The following CCDC150 variants were observed in gnomAD, a reference collection of about 807,000 sequenced individuals.
The protein encoded by CCDC150 is coiled-coil domain-containing protein 150.
In CCDC150, 151 loss-of-function variants were observed where a neutral mutation model predicts 156.5. That is an observed-to-expected ratio of 0.97 (90% confidence interval 0.85 to 1.10). CCDC150 has a LOEUF of 1.10. Ranked by LOEUF, CCDC150 falls within the 50% of genes least tolerant of loss-of-function variation. The probability of loss-of-function intolerance (pLI) is 0.00; values close to 1 mark genes in which losing one functional copy is unlikely to be tolerated. For missense variants in CCDC150, 1,312 were observed against 1,268.1 expected (o/e 1.03, Z -0.53); for synonymous variants, 452 against 429.4 (o/e 1.05, Z -0.65).
intron 6 of CCDC150, among the ~76,000 whole-genome samples, chr2:196,666,226 T>C (rs1450145726): frequency 6.6e-6 from 1 of 152,250 alleles, no homozygotes; most frequent in Non-Finnish European, 1.5e-5. Flanking sequence ...ACAAATAATT[T>C]AGAATACTTT....
chr2:196,722,181 A>C (rs1019530225), intron 21 of CCDC150, among the ~76,000 whole-genome samples: 2 of 152,248 alleles, frequency 1.3e-5, no homozygotes, highest in African/African-American at 4.8e-5. Flanking sequence ...GTTTTGCCTT[A>C]AATTATACCT....
intron 5 of CCDC150, among the ~76,000 whole-genome samples, chr2:196,659,139 T>C (rs577214882): frequency 6.6e-6 from 1 of 152,322 alleles, no homozygotes; most frequent in African/African-American, 2.4e-5. Flanking sequence ...CCGTACACCA[T>C]AGTTAAGTGG....
At chr2:196,653,752 T>A (rs1195576436) in intron 2 of CCDC150, among the ~76,000 whole-genome samples, 1 of 152,244 alleles carries the variant, frequency 6.6e-6, no homozygotes, top group East Asian at 1.9e-4. Context: ...ACATTTTCAA[T>A]TACCTTTTTA....
chr2:196,710,888 G>A (rs915589354), intron 15 of CCDC150, among the ~76,000 whole-genome samples: 3 of 152,004 alleles, frequency 2.0e-5, no homozygotes, highest in African/African-American at 7.2e-5. Context: ...AAGTTCAGTG[G>A]TGGATAGATG....
In CCDC150 at chr2:196,730,963, A is replaced by G; in HGVS notation, c.3069+18A>G. Reference sequence around the variant, plus strand: ...CAGAACAGGTGAGCCAGACCCACGGACATAAAGACTTAGACGTTTCCTTCA... The same window carrying G: ...CAGAACAGGTGAGCCAGACCCACGGGCATAAAGACTTAGACGTTTCCTTCA... On this transcript the variant is annotated intron_variant, in intron 26 of 27. Coordinates refer to ENST00000389175, the MANE Select transcript of CCDC150 (RefSeq NM_001080539.2). 6.4e-7 allele frequency: 1 copy of G among 1,573,964 alleles called. No individual in the cohort carries two copies. The highest frequency in any genetic ancestry group is 8.6e-7 in the Non-Finnish European group (1 of 1,159,024).
chr2:196,694,028 C>T (rs1695651935), intron 13 of CCDC150, among the ~76,000 whole-genome samples: 1 of 146,232 alleles, frequency 6.8e-6, no homozygotes, highest in African/African-American at 2.5e-5. Context: ...TTGCTGGGTT[C>T]ATTTTGCTAA....
chr2:196,641,137 T>TTTTC (rs1692202387), intron 1 of CCDC150, among the ~76,000 whole-genome samples: 1 of 115,268 alleles, frequency 8.7e-6, no homozygotes, highest in African/African-American at 3.4e-5. Context: ...TAATTTTTTT[T>TTTTC]TTATTTTTAT....
rs762732086 is a variant in CCDC150 at position 196,639,738 on chromosome 2, T to A, written c.-29T>A. 2 of 1,543,344 alleles carry A rather than the reference T, an allele frequency of 1.3e-6. No individual in the cohort carries two copies. Among genetic ancestry groups the A allele is most frequent in the Admixed American group, 3.6e-5 (2 of 55,754 alleles). ...TTAGTTCCACGGAAACCCGCTCGCC[T>A]GCTGCAGTACGGAGCCTCAGGCGGA... On this transcript the variant is annotated 5_prime_UTR_variant, in exon 1 of 28. Transcript: ENST00000389175.
At chr2:196,657,742 A>G (rs193159015) in intron 4 of CCDC150, among the ~76,000 whole-genome samples, 2 of 152,302 alleles carry the variant, frequency 1.3e-5, no homozygotes, top group East Asian at 3.9e-4. Flanking sequence ...AATGTAATGG[A>G]TGTTCAATGT....
intron 8 of CCDC150, among the ~76,000 whole-genome samples, chr2:196,671,932 G>T (rs1279240248): frequency 6.6e-6 from 1 of 152,148 alleles, no homozygotes; most frequent in African/African-American, 2.4e-5. Flanking sequence ...ATGATTACTG[G>T]ATCATATGGT....
chr2:196,715,381 G>C (rs1697434100), intron 17 of CCDC150, among the ~76,000 whole-genome samples: 1 of 152,076 alleles, frequency 6.6e-6, no homozygotes, highest in South Asian at 2.1e-4. Flanking sequence ...TTACTATTTG[G>C]ATGTAAAAAG....
In CCDC150 at chr2:196,692,158, C is replaced by T. The variant is rs1208078392; in HGVS notation, c.1510-2888C>T. ...TTTTTTTTTTTTTGAGACGGAGTCT[C>T]GCTCTGTCGCCCAGGCCGGACTGCG... On this transcript the variant is annotated intron_variant, in intron 13 of 27. Transcript: ENST00000389175. 3.4e-4 allele frequency among the ~76,000 whole-genome samples: 43 copies of T among 126,208 alleles called. No homozygotes were observed. In the East Asian group the frequency reaches 3.6e-3, roughly 11 times the overall value. 82.8% of individuals were successfully genotyped at this position (126,208 alleles called of 152,430 possible). A position where few individuals can be genotyped will look rare whatever the true frequency, so the allele number is the denominator to read the frequency against.
intron 14 of CCDC150, 71 bp from the exon 15 acceptor site, chr2:196,701,038 C>T (rs1696170677): frequency 1.0e-6 from 1 of 960,286 alleles, no homozygotes; most frequent in Non-Finnish European, 1.6e-6. Context: ...GATGTAAATA[C>T]TTGTTTAAAA....
chr2:196,730,196 A>G (rs1575988354), intron 25 of CCDC150, 78 bp downstream of exon 25: 1 of 1,290,184 alleles, frequency 7.8e-7, no homozygotes, highest in East Asian at 2.4e-5. Context: ...TTGCACCTAG[A>G]CTTTCTAGAG....
chr2:196,732,488 C>G lies in CCDC150; in HGVS notation c.3232C>G (p.Leu1078Val). Residue 1078 changes from leucine (L) to valine (V), a missense_variant, in exon 28 of 28, where the codon CTG (leucine) becomes GTG (valine). Coordinates refer to ENST00000389175, the MANE Select transcript of CCDC150 (RefSeq NM_001080539.2). Reference protein sequence around the residue: ...KHDVMSNQSVLHRWERKQNLR... With the variant: ...KHDVMSNQSVVHRWERKQNLR... ...TGATGTCATGTCCAACCAATCTGTT[C>G]TGCATCGATGGGAGAGAAAACAGAA... The G allele has an allele frequency of 6.2e-7, 1 of 1,613,750 alleles. No individual in the cohort carries two copies. The highest frequency in any genetic ancestry group is 2.2e-5 in the East Asian group (1 of 44,870).
chr2:196,713,587 T>A, intron 17 of CCDC150: 1 of 1,540,988 alleles, frequency 6.5e-7, no homozygotes, highest in Non-Finnish European at 8.7e-7. Context: ...TGAATGCTAT[T>A]AAAACCATGG....
chr2:196,689,326 T>C, intron 13 of CCDC150, among the ~76,000 whole-genome samples: 1 of 152,142 alleles, frequency 6.6e-6, no homozygotes, highest in East Asian at 1.9e-4. Context: ...ATCTGTAAAT[T>C]ACCTTGGGCA....
chr2:196,646,153 A>G (rs1692524420), intron 1 of CCDC150, among the ~76,000 whole-genome samples, 188 bp from the exon 2 acceptor site: 1 of 152,174 alleles, frequency 6.6e-6, no homozygotes, highest in South Asian at 2.1e-4. Context: ...GGGGAGGGAA[A>G]AGAGAGAGAT....
At chr2:196,693,621 T>A (rs963998775) in intron 13 of CCDC150, among the ~76,000 whole-genome samples, 1 of 152,210 alleles carries the variant, frequency 6.6e-6, no homozygotes, top group Non-Finnish European at 1.5e-5. Context: ...TTTCCAATCT[T>A]AATGCCTTTT....
Sources: gnomAD v4.1 joint callset for allele counts (sites outside exome capture counted in the v4.1 genomes callset) on GRCh38, gnomAD v4.1.1 for gene constraint, MANE v1.5 for transcripts, NCBI Gene and HGNC (gene_info 2026-07-23, HGNC 2026-07-21) for gene names.